Variants in CDH12 observed in about 807,000 individuals in gnomAD.
The protein encoded by CDH12 is cadherin-12.
Under a neutral mutation model 74.1 loss-of-function variants are expected in CDH12, and 41 were observed. The ratio of observed to expected loss-of-function variants is 0.55; its 90% CI spans 0.43 to 0.72. The LOEUF is 0.72. Ranked by LOEUF, CDH12 falls within the 30% of genes least tolerant of loss-of-function variation. The pLI is 0.00. For missense variants in CDH12, 945 were observed against 977.2 expected, an observed-to-expected ratio of 0.97 and a Z score of 0.44; for synonymous variants, 399 against 355.0, an observed-to-expected ratio of 1.12 and a Z score of -1.39.
At chr5:22,726,728 C>T (rs72748716) in intron 1 of CDH12, among the ~76,000 whole-genome samples, 45,283 of 151,446 alleles carry the variant, frequency 0.3, 6,887 homozygotes, top group South Asian at 0.35. Flanking sequence ...CTATGCTTAT[C>T]ACAATACAAT....
intron 1 of CDH12, among the ~76,000 whole-genome samples, chr5:22,792,642 G>A (rs1317582482): frequency 6.6e-6 from 1 of 152,102 alleles, no homozygotes. Context: ...TAAAATCTGG[G>A]TAAAAATTGG....
chr5:22,727,459 T>C (rs957959285), intron 1 of CDH12, among the ~76,000 whole-genome samples: 12 of 151,790 alleles, frequency 7.9e-5, no homozygotes, highest in African/African-American at 2.9e-4. Flanking sequence ...ATTATACCTC[T>C]AGTAATCATA....
chr5:21,764,976 A>C lies in CDH12; in HGVS notation c.1515+2T>G. The C allele has an allele frequency of 6.2e-7, 1 of 1,613,640 alleles. No homozygotes were observed. Among genetic ancestry groups the C allele is most frequent in the Non-Finnish European group, 8.5e-7 (1 of 1,179,716 alleles). ...ACTCAAGGAACAATATTTATAAGAT[A>C]CCTGTCCTGGCTTGGCATTTTCACA... On this transcript the variant is annotated splice_donor_variant, in intron 12 of 14. Transcript: ENST00000382254. LOFTEE classifies it high-confidence loss of function.
chr5:22,504,615 G>T (rs186346537), intron 2 of CDH12, among the ~76,000 whole-genome samples: 2 of 151,976 alleles, frequency 1.3e-5, no homozygotes, highest in Non-Finnish European at 2.9e-5. Flanking sequence ...ATTACCAAGC[G>T]GGGAGTGTCA....
At chr5:22,683,133 T>C (rs1741584409) in intron 1 of CDH12, among the ~76,000 whole-genome samples, 2 of 152,190 alleles carry the variant, frequency 1.3e-5, no homozygotes, top group South Asian at 4.1e-4. Context: ...ACAGCACTTA[T>C]TGGAAATTAA....
intron 4 of CDH12, among the ~76,000 whole-genome samples, chr5:22,179,682 G>T (rs1749532968): frequency 6.6e-6 from 1 of 152,054 alleles, no homozygotes; most frequent in Non-Finnish European, 1.5e-5. Context: ...CATTTGCACT[G>T]GATAAAAATG....
chr5:21,805,511 T>C (rs1747381508), intron 9 of CDH12, among the ~76,000 whole-genome samples: 1 of 152,110 alleles, frequency 6.6e-6, no homozygotes. Context: ...ACTTATAGCC[T>C]GTAGTGATCA....
intron 4 of CDH12, among the ~76,000 whole-genome samples, chr5:22,110,415 C>A (rs182030158): frequency 1.6e-4 from 24 of 147,628 alleles, no homozygotes; most frequent in Non-Finnish European, 2.7e-4. Context: ...GGGTAGTACT[C>A]AAATCAATCT....
At chr5:21,813,653 C>G (rs193161553) in intron 9 of CDH12, among the ~76,000 whole-genome samples, 1 of 152,184 alleles carries the variant, frequency 6.6e-6, no homozygotes, top group Non-Finnish European at 1.5e-5. Context: ...TCACTTCATT[C>G]CAGCCCCACT....
chr5:22,560,542 A>C (rs1738999064), intron 1 of CDH12, among the ~76,000 whole-genome samples: 1 of 152,270 alleles, frequency 6.6e-6, no homozygotes, highest in Non-Finnish European at 1.5e-5. Flanking sequence ...CAAAAATATT[A>C]ACAGCAAAAA....
At chr5:22,312,749 C>T (rs917323529) in intron 3 of CDH12, among the ~76,000 whole-genome samples, 3 of 152,280 alleles carry the variant, frequency 2.0e-5, no homozygotes, top group African/African-American at 7.2e-5. Context: ...TATTAAGCAG[C>T]TATCTGCAGA....
At chr5:22,367,667 T>C (rs574605547) in intron 3 of CDH12, among the ~76,000 whole-genome samples, 3 of 152,306 alleles carry the variant, frequency 2.0e-5, no homozygotes, top group Admixed American at 1.3e-4. Flanking sequence ...TTATGGTGCA[T>C]ATTTATGCTT....
rs189780813 is a variant in CDH12, at chr5:22,304,049, C to T, written c.-332-91406G>A. The stretch of plus-strand genomic sequence containing the variant: ...CCCTTCTAGGAGTAAATATTTTAGT[C>T]ATAAATGAGAATTATTTAATAAAAG... On this transcript the variant is annotated intron_variant, in intron 3 of 14. Coordinates refer to ENST00000382254, the MANE Select transcript of CDH12 (RefSeq NM_004061.5). Among the ~76,000 whole-genome samples the T allele has an allele frequency of 2.5e-3, 377 of 152,150 alleles. 4 individuals are homozygous for T. Among genetic ancestry groups the T allele is most frequent in the Non-Finnish European group, 2.6e-3 (174 of 67,978 alleles).
At chr5:22,734,352 A>G (rs1277730193) in intron 1 of CDH12, among the ~76,000 whole-genome samples, 1 of 151,956 alleles carries the variant, frequency 6.6e-6, no homozygotes, top group East Asian at 1.9e-4. Context: ...ACATAATAAA[A>G]AAAATGCAAA....
At chr5:22,110,815 A>G (rs1744764278) in intron 4 of CDH12, among the ~76,000 whole-genome samples, 1 of 152,112 alleles carries the variant, frequency 6.6e-6, no homozygotes, top group Non-Finnish European at 1.5e-5. Flanking sequence ...GTCTCTCATT[A>G]ATGTTACAAA....
intron 4 of CDH12, among the ~76,000 whole-genome samples, chr5:22,086,074 A>ACT (rs979899453): frequency 6.6e-6 from 1 of 152,034 alleles, no homozygotes; most frequent in Non-Finnish European, 1.5e-5. Flanking sequence ...ATGACATATG[A>ACT]CTCTCTCTCT....
intron 6 of CDH12, among the ~76,000 whole-genome samples, chr5:21,890,130 C>T (rs1009589147): frequency 9.2e-5 from 14 of 152,114 alleles, no homozygotes; most frequent in African/African-American, 3.1e-4. Context: ...TACAGTTGTG[C>T]GTGGGTGTAT....
chr5:22,211,831 A>C (rs1325762816), intron 4 of CDH12, among the ~76,000 whole-genome samples: 1 of 151,516 alleles, frequency 6.6e-6, no homozygotes, highest in African/African-American at 2.4e-5. Context: ...CAAGCATTTT[A>C]GAAAGCACTT....
rs191628586 is a variant in CDH12, at chr5:22,140,162, C to G, written c.-186-61300G>C. ...TATGAGTGATTAAAAATTATACAAA[C>G]AATAGCTCATCATAATTTTTGCCGA... On this transcript the variant is annotated intron_variant, in intron 4 of 14. Transcript: ENST00000382254. Among the ~76,000 whole-genome samples, 101 of 152,176 alleles carry G rather than the reference C, an allele frequency of 6.6e-4. No individual in the cohort carries two copies. The East Asian group carries it at 0.016, about 24-fold the overall frequency.
Sources: gnomAD v4.1 joint callset for allele counts (sites outside exome capture counted in the v4.1 genomes callset) on GRCh38, gnomAD v4.1.1 for gene constraint, MANE v1.5 for transcripts, NCBI Gene and HGNC (gene_info 2026-07-23, HGNC 2026-07-21) for gene names.